The following ST3GAL3 variants were observed in gnomAD, a reference collection of about 807,000 sequenced individuals.
ST3GAL3 encodes ST3 beta-galactoside alpha-2,3-sialyltransferase 3, also known as CMP-N-acetylneuraminate-beta-1,4-galactoside alpha-2,3-sialyltransferase.
In ST3GAL3, 21 loss-of-function variants were observed where a neutral mutation model predicts 50.1. That is an observed-to-expected ratio of 0.42 (90% CI 0.30 to 0.60). ST3GAL3 has a LOEUF of 0.60. Among genes scored for constraint, ST3GAL3 ranks in the 20% least tolerant of loss-of-function variants. The probability of loss-of-function intolerance (pLI) is 0.19; values close to 1 mark genes in which losing one functional copy is unlikely to be tolerated. For synonymous variants in ST3GAL3, 183 were observed against 190.0 expected (o/e 0.96, Z 0.30); for missense variants, 353 against 489.4 (o/e 0.72, Z 2.63).
chr1:43,786,164 C>T (rs1442541947), intron 2 of ST3GAL3, among the ~76,000 whole-genome samples: 1 of 152,118 alleles, frequency 6.6e-6, no homozygotes, highest in Non-Finnish European at 1.5e-5. Context: ...CTACCTTTTA[C>T]TCAGTTGCCA....
chr1:43,817,849 T>TCTCCTC (rs1195082521), intron 4 of ST3GAL3, among the ~76,000 whole-genome samples: 1 of 107,344 alleles, frequency 9.3e-6, no homozygotes, highest in African/African-American at 3.4e-5. Context: ...TTCTTCTCCT[T>TCTCCTC]CTCCTCCTCC....
intron 4 of ST3GAL3, among the ~76,000 whole-genome samples, chr1:43,817,336 C>G (rs1360293212): frequency 1.3e-5 from 2 of 151,804 alleles, no homozygotes; most frequent in African/African-American, 2.4e-5. Flanking sequence ...CTTCTTCCTT[C>G]TTCCTTCTTC....
At position 43,828,729 on chromosome 1, in the gene ST3GAL3, T is replaced by TA. The variant is rs554210304; in HGVS notation, c.210-9481dup. ...ATACTATCACACCTATTAGAATGACTAAAAAAAAACCAAAAAACCTGACAG... is the reference window on the plus strand; with the variant it reads ...ATACTATCACACCTATTAGAATGACTAAAAAAAAAACCAAAAAACCTGACAG... On this transcript the variant is annotated intron_variant, in intron 4 of 11. Transcript: ENST00000347631. Among the ~76,000 whole-genome samples, 20 of 150,732 alleles carry TA rather than the reference T, an allele frequency of 1.3e-4. 1 individual carries two copies. The highest frequency in any genetic ancestry group is 1.2e-3 in the East Asian group (6 of 5,152).
chr1:43,715,432 C>T (rs116583447), intron 1 of ST3GAL3, among the ~76,000 whole-genome samples: 4,476 of 151,980 alleles, frequency 0.029, 88 homozygotes, highest in Middle Eastern at 0.044. Flanking sequence ...AAAAATTAGC[C>T]AGGTGTGGTA....
At chr1:43,858,665 A>C (rs1055711224) in intron 5 of ST3GAL3, among the ~76,000 whole-genome samples, 16 of 152,208 alleles carry the variant, frequency 1.1e-4, no homozygotes, top group Admixed American at 5.9e-4. Flanking sequence ...GGGAGGGCCC[A>C]GGTCTGAGCT....
Position 43,895,654 on chromosome 1 carries a change from A to G in ST3GAL3, c.397+1177A>G, listed in dbSNP as rs116328387. Among the ~76,000 whole-genome samples, 1,222 of 152,296 alleles carry G rather than the reference A, an allele frequency of 8.0e-3. 15 individuals carry two copies. The highest frequency in any genetic ancestry group is 0.027 in the African/African-American group (1,137 of 41,550). ...CCTGAACCCTCTACTCAGCCAGACT[A>G]TCTCTCCCTGAAAAGAAGCCAGTGG... On this transcript the variant is annotated intron_variant, in intron 6 of 11. Coordinates refer to ENST00000347631, the MANE Select transcript of ST3GAL3 (RefSeq NM_006279.5).
At chr1:43,731,885 C>T (rs1676083926) in intron 1 of ST3GAL3, among the ~76,000 whole-genome samples, 1 of 151,446 alleles carries the variant, frequency 6.6e-6, no homozygotes, top group Non-Finnish European at 1.5e-5. Context: ...ACTGTGTTGC[C>T]CAGGTTGGTT....
intron 2 of ST3GAL3, among the ~76,000 whole-genome samples, chr1:43,748,235 G>A (rs61768404): frequency 0.016 from 2,458 of 151,944 alleles, 24 homozygotes; most frequent in Non-Finnish European, 0.027. Context: ...AACATTATTT[G>A]CAATAGCATC....
At chr1:43,900,696 G>C (rs2078151703) in intron 9 of ST3GAL3, 1 of 152,314 alleles carries the variant, frequency 6.6e-6, no homozygotes, top group Non-Finnish European at 1.5e-5. Context: ...TTGGGAGTGG[G>C]AACAGCTTCC....
At chr1:43,929,643 C>T (rs1234946696) in intron 11 of ST3GAL3, among the ~76,000 whole-genome samples, 1 of 152,204 alleles carries the variant, frequency 6.6e-6, no homozygotes, top group East Asian at 1.9e-4. Flanking sequence ...TCTCCGCAGG[C>T]CCCATAGCTC....
In ST3GAL3 at chr1:43,920,863, G is replaced by A. The variant is rs373761336; in HGVS notation, c.973G>A (p.Asp325Asn). 6.2e-6 allele frequency: 10 copies of A among 1,613,802 alleles called. No homozygotes were observed. The highest frequency in any genetic ancestry group is 8.5e-6 in the Non-Finnish European group (10 of 1,179,914). ...DEVAVAGFGY[D>N]MSTPNAPLHY... Reference sequence around the variant, plus strand: ...GGTGGCAGTCGCAGGATTTGGCTATGACATGAGCACACCCAACGCACCCCT... The same window carrying A: ...GGTGGCAGTCGCAGGATTTGGCTATAACATGAGCACACCCAACGCACCCCT... Residue 325 changes from aspartate (D) to asparagine (N), a missense_variant, in exon 11 of 12, where the codon GAC becomes AAC. Transcript: ENST00000347631.
At chr1:43,754,365 G>T (rs183864059) in intron 2 of ST3GAL3, among the ~76,000 whole-genome samples, 1 of 152,204 alleles carries the variant, frequency 6.6e-6, no homozygotes, top group East Asian at 1.9e-4. Flanking sequence ...GCTAATTTTT[G>T]TATTTTAGTA....
intron 5 of ST3GAL3, among the ~76,000 whole-genome samples, chr1:43,857,041 G>A (rs1413284882): frequency 6.6e-6 from 1 of 152,132 alleles, no homozygotes; most frequent in African/African-American, 2.4e-5. Context: ...TCCATCAGCT[G>A]TAGGAGAAGT....
At chr1:43,765,749 GTGTC>G (rs1451201881) in intron 2 of ST3GAL3, among the ~76,000 whole-genome samples, 661 of 58,658 alleles carry the variant, frequency 0.011, 2 homozygotes, top group African/African-American at 0.029. Flanking sequence ...GTGTCTGTGT[GTGTC>G]TGTGTGTGTG....
intron 9 of ST3GAL3, among the ~76,000 whole-genome samples, chr1:43,909,846 CAGAA>C (rs962638728): frequency 2.6e-5 from 4 of 152,174 alleles, no homozygotes; most frequent in African/African-American, 9.7e-5. Context: ...ACAGATCACA[CAGAA>C]AGAAAGATAA....
chr1:43,928,592 A>AC (rs2084446056), intron 11 of ST3GAL3, among the ~76,000 whole-genome samples: 1 of 139,408 alleles, frequency 7.2e-6, no homozygotes, highest in African/African-American at 2.7e-5. Context: ...AGAGCAAGAC[A>AC]CCATCTGAAA....
At chr1:43,709,377 T>C (rs1663382369) in intron 1 of ST3GAL3, 1 of 152,146 alleles carries the variant, frequency 6.6e-6, no homozygotes, top group South Asian at 2.1e-4. Flanking sequence ...TTACTTGTCA[T>C]TGTCACTTTT....
chr1:43,736,378 C>T lies in ST3GAL3; in HGVS notation c.116C>T (p.Ser39Phe), dbSNP rs774202202. The T allele has an allele frequency of 2.5e-6, 4 of 1,614,006 alleles. No individual in the cohort carries two copies. Among genetic ancestry groups the T allele is most frequent in the South Asian group, 1.1e-5 (1 of 91,078 alleles). ...KLHLLQWEEDSNSVVLSFDSA... is the reference protein window; with the variant it reads ...KLHLLQWEEDFNSVVLSFDSA... Reference sequence around the variant, plus strand: ...CACTTACTCCAGTGGGAGGAGGACTCCAGTAAGTATAGTCACTCTAGCTCA... The same window carrying T: ...CACTTACTCCAGTGGGAGGAGGACTTCAGTAAGTATAGTCACTCTAGCTCA... The change falls in exon 2 of 12, where the codon TCC becomes TTC. Residue 39 changes from serine to phenylalanine, a missense_variant and splice_region_variant. Transcript: ENST00000347631.
chr1:43,804,677 T>C (rs1198265150), intron 3 of ST3GAL3, among the ~76,000 whole-genome samples: 1 of 152,076 alleles, frequency 6.6e-6, no homozygotes, highest in East Asian at 1.9e-4. Context: ...AAATAAACAG[T>C]GTGGCAGACA....
Sources: allele counts gnomAD v4.1 joint callset (sites outside exome capture counted in the v4.1 genomes callset), GRCh38; gene constraint gnomAD v4.1.1; transcripts MANE v1.5; gene names NCBI Gene and HGNC (gene_info 2026-07-23, HGNC 2026-07-21).